The following TIAM1 variants were observed in gnomAD, a reference collection of about 807,000 sequenced individuals.
The protein encoded by TIAM1 is TIAM Rac1 associated GEF 1.
Under a neutral mutation model 163.5 loss-of-function variants are expected in TIAM1, and 65 were observed. The observed-to-expected ratio is 0.40, with a 90% confidence interval of 0.33 to 0.49. TIAM1 has a LOEUF of 0.49. TIAM1 is among the 20% of genes least tolerant of loss of function. TIAM1 has a pLI of 0.77. For synonymous variants in TIAM1, 833 were observed against 810.1 expected, an observed-to-expected ratio of 1.03 and a Z score of -0.48; for missense variants, 1,789 against 2,044.7, an observed-to-expected ratio of 0.87 and a Z score of 2.41.
intron 12 of TIAM1, among the ~76,000 whole-genome samples, chr21:31,197,368 T>C (rs952615841): frequency 6.6e-6 from 1 of 151,140 alleles, no homozygotes; most frequent in African/African-American, 2.5e-5. Flanking sequence ...CAATATTTCA[T>C]TTTCTTTTTT....
chr21:31,326,674 T>A (rs138032818), intron 2 of TIAM1, among the ~76,000 whole-genome samples: 27 of 152,308 alleles, frequency 1.8e-4, no homozygotes, highest in African/African-American at 6.0e-4. Flanking sequence ...CAGGTAATAC[T>A]CGGGAAGTAT....
At chr21:31,269,671 GTTTT>G (rs11350283) in intron 3 of TIAM1, among the ~76,000 whole-genome samples, 1 of 124,278 alleles carries the variant, frequency 8.0e-6, no homozygotes, top group Non-Finnish European at 1.7e-5. Context: ...AAGTTTGTTT[GTTTT>G]TTTTTTTTTT....
intron 8 of TIAM1, among the ~76,000 whole-genome samples, chr21:31,222,393 C>A (rs955210554): frequency 6.6e-6 from 1 of 151,992 alleles, no homozygotes; most frequent in South Asian, 2.1e-4. Context: ...CAAAGCTGCT[C>A]GCAATTTAGC....
At chr21:31,290,229 T>C (rs1013710317) in intron 2 of TIAM1, among the ~76,000 whole-genome samples, 2 of 152,120 alleles carry the variant, frequency 1.3e-5, no homozygotes, top group Non-Finnish European at 2.9e-5. Flanking sequence ...GATGAATTCA[T>C]CTTGCACATT....
rs907528383 is a variant in TIAM1 at position 31,442,789 on chromosome 21, G to A, written c.-369+21194C>T. On this transcript the variant is annotated intron_variant, in intron 2 of 28. Transcript: ENST00000286827. ...AGCCTGACTACAGTTTCATCAAGGA[G>A]GGAATTATTGTCAAGGTAGGGCTCT... 5.3e-5 allele frequency among the ~76,000 whole-genome samples: 8 copies of A among 152,160 alleles called. No individual in the cohort carries two copies. The East Asian group carries it at 7.7e-4, about 15-fold the overall frequency.
intron 2 of TIAM1, among the ~76,000 whole-genome samples, chr21:31,407,005 A>G (rs936465830): frequency 3.3e-5 from 5 of 152,122 alleles, no homozygotes; most frequent in African/African-American, 1.2e-4. Flanking sequence ...TCATACACCA[A>G]TGACATCCCC....
At chr21:31,270,176 CT>C (rs2072994270) in intron 3 of TIAM1, among the ~76,000 whole-genome samples, 1 of 152,092 alleles carries the variant, frequency 6.6e-6, no homozygotes, top group African/African-American at 2.4e-5. Context: ...TTAACTTTTA[CT>C]TTTTTTACGG....
intron 16 of TIAM1, among the ~76,000 whole-genome samples, chr21:31,156,396 T>C (rs938459082): frequency 3.9e-5 from 6 of 152,202 alleles, no homozygotes; most frequent in Non-Finnish European, 8.8e-5. Flanking sequence ...CACAAACAAT[T>C]TTCCCTTAGG....
In TIAM1 at chr21:31,146,957, C is replaced by A; in HGVS notation, c.3413G>T (p.Arg1138Leu). 6.2e-7 allele frequency: 1 copy of A among 1,614,042 alleles called. No individual in the cohort carries two copies. Among genetic ancestry groups the A allele is most frequent in the Non-Finnish European group, 8.5e-7 (1 of 1,179,992 alleles). The change falls in exon 20 of 28, where the codon CGC (arginine) becomes CTC (leucine). Residue 1138 changes from arginine to leucine, a missense_variant. Coordinates refer to ENST00000541036, the MANE Select transcript of TIAM1 (RefSeq NM_001353694.2). The part of the protein sequence containing the change: ...LGGSFLYYAD[R>L]FKLYSAFCAS... The stretch of plus-strand genomic sequence containing the variant: ...GCAGAAGGCACTGTAGAGCTTGAAG[C>A]GGTCAGCATAATACAGGAATGATCC...
At chr21:31,543,382 A>G (rs919138967) in intron 1 of TIAM1, among the ~76,000 whole-genome samples, 4 of 152,254 alleles carry the variant, frequency 2.6e-5, no homozygotes, top group Admixed American at 6.5e-5. Context: ...AAGTTTATCC[A>G]AACACAGGCC....
At position 31,141,274 on chromosome 21, in the gene TIAM1, G is replaced by T; in HGVS notation, c.3656-38C>A. On this transcript the variant is annotated intron_variant, in intron 21 of 27. Transcript: ENST00000541036. This position sits in a 1 kb window ranked among gnomAD's most constrained non-coding sequence, Gnocchi z 4.7. ...AGGTTGTGAAATGAGAGGCTATTTA[G>T]AGACCCTCATGGAGACTCAGGCCTG... 1 of 1,613,800 alleles carries T rather than the reference G, an allele frequency of 6.2e-7. No homozygotes were observed. The highest frequency in any genetic ancestry group is 8.5e-7 in the Non-Finnish European group (1 of 1,179,756).
At position 31,453,131 on chromosome 21, in the gene TIAM1, GA is replaced by G. The variant is rs373057602; in HGVS notation, c.-369+10851del. On this transcript the variant is annotated intron_variant, in intron 2 of 28. Transcript: ENST00000286827. ...CCGAGACAGTGATGAGGATTCTCCT[GA>G]AAAAAGTGTTTGAAGACTGAAAGTG... The G allele has an allele frequency of 1.4e-3, 415 of 306,230 alleles. 1 individual carries two copies. The highest frequency in any genetic ancestry group is 8.8e-3 in the African/African-American group (396 of 44,848). 19.0% of individuals were successfully genotyped at this position (306,230 alleles called of 1,614,324 possible). A position where few individuals can be genotyped will look rare whatever the true frequency, so the allele number is the denominator to read the frequency against.
At chr21:31,214,557 GT>G (rs1374369779) in intron 9 of TIAM1, among the ~76,000 whole-genome samples, 1 of 151,926 alleles carries the variant, frequency 6.6e-6, no homozygotes, top group East Asian at 1.9e-4. Flanking sequence ...CAACATAGGG[GT>G]TTTTTTAATT....
At chr21:31,478,523 T>C (rs1343512811) in intron 1 of TIAM1, among the ~76,000 whole-genome samples, 1 of 152,262 alleles carries the variant, frequency 6.6e-6, no homozygotes, top group East Asian at 1.9e-4. Flanking sequence ...CTCAACATTA[T>C]AGCACAGAAA....
chr21:31,265,931 A>C, intron 4 of TIAM1, 79 bp downstream of exon 4: 2 of 1,534,838 alleles, frequency 1.3e-6, no homozygotes, highest in Non-Finnish European at 1.8e-6. Flanking sequence ...AAAGATGGAA[A>C]TCTTCTAAGA....
At chr21:31,544,454 C>A (rs1010780735) in intron 1 of TIAM1, among the ~76,000 whole-genome samples, 1 of 150,184 alleles carries the variant, frequency 6.7e-6, no homozygotes, top group Non-Finnish European at 1.5e-5. Flanking sequence ...CATGGTGAAA[C>A]CCCACCCCTA....
chr21:31,138,837 T>C (rs2082723214), intron 22 of TIAM1, among the ~76,000 whole-genome samples: 1 of 152,218 alleles, frequency 6.6e-6, no homozygotes, highest in Non-Finnish European at 1.5e-5. Context: ...GTCTATTTCC[T>C]GCTCGTTTGT....
At chr21:31,249,246 A>G (rs1414045872) in intron 5 of TIAM1, among the ~76,000 whole-genome samples, 2 of 152,214 alleles carry the variant, frequency 1.3e-5, no homozygotes, top group African/African-American at 4.8e-5. Context: ...GAACATAGAC[A>G]AGTAAAGGGA....
chr21:31,271,650 C>T (rs189086257), intron 3 of TIAM1, among the ~76,000 whole-genome samples: 44 of 152,094 alleles, frequency 2.9e-4, no homozygotes, highest in Non-Finnish European at 5.0e-4. Context: ...CTTCCTCTTC[C>T]TTTTGGAGCT....
Sources: allele counts gnomAD v4.1 joint callset (sites outside exome capture counted in the v4.1 genomes callset), GRCh38; gene constraint gnomAD v4.1.1; non-coding constraint Gnocchi (gnomAD v3.1); transcripts MANE v1.5; gene names NCBI Gene and HGNC (gene_info 2026-07-23, HGNC 2026-07-21).